BAZ1A: variants seen among roughly 807,000 people sequenced by gnomAD.
The protein encoded by BAZ1A is bromodomain adjacent to zinc finger domain protein 1A.
BAZ1A carries 50 observed loss-of-function variants against 185.2 expected under a neutral mutation model. The observed-to-expected ratio is 0.27, with a 90% CI of 0.22 to 0.34. The LOEUF is 0.34. Among genes scored for constraint, BAZ1A ranks in the 10% least tolerant of loss-of-function variants. BAZ1A has a pLI of 1.00. For synonymous variants in BAZ1A, 571 were observed against 615.6 expected (o/e 0.93, Z 1.07); for missense variants, 1,356 against 1,839.9 (o/e 0.74, Z 4.81).
intron 3 of BAZ1A, among the ~76,000 whole-genome samples, chr14:34,849,417 GA>G (rs1256510341): frequency 6.6e-6 from 1 of 152,126 alleles, no homozygotes; most frequent in Non-Finnish European, 1.5e-5. Flanking sequence ...AAACGGTTGA[GA>G]AATATGCACT....
chr14:34,776,159 A>G lies in BAZ1A; in HGVS notation c.2593T>C (p.Ser865Pro). ...TGGTCAATGTTGGAGGTAGATTCAG[A>G]CATCAAAGGCTCTCCAGTTTTAGTG... The part of the protein sequence containing the change: ...VSTKTGEPLM[S>P]ESTSNIDQGP... The change falls in exon 18 of 27, where the codon TCT becomes CCT. Residue 865 changes from serine to proline, a missense_variant. Ser to Pro is a moderately conservative substitution (Grantham distance 74). This residue lies in a region of BAZ1A where 434 missense variants were observed against 561.7 expected (regional missense o/e 0.77). Coordinates refer to ENST00000360310, the MANE Select transcript of BAZ1A (RefSeq NM_013448.3). The G allele has an allele frequency of 6.2e-7, 1 of 1,614,214 alleles. No homozygotes were observed.
intron 6 of BAZ1A, among the ~76,000 whole-genome samples, chr14:34,805,824 T>A (rs1881825464): frequency 6.6e-6 from 1 of 152,148 alleles, no homozygotes; most frequent in Non-Finnish European, 1.5e-5. Context: ...TTTGCGTTCT[T>A]CATTGTATTT....
chr14:34,801,098 T>A lies in BAZ1A; in HGVS notation c.957A>T (p.Ser319=), dbSNP rs776301143. ...GGAAACAATGTTAAAACTCACCCAG[T>A]GACTTCATTTCTTCTTGTTTCAAAA... The part of the protein sequence containing the change: ...DKLLKQEEMK[S]LAFEKAKLKR... Residue 319 remains serine (S), a synonymous_variant, in exon 8 of 27, where the codon TCA becomes TCT. Coordinates refer to ENST00000360310, the MANE Select transcript of BAZ1A (RefSeq NM_013448.3). 1 of 1,588,830 alleles carries A rather than the reference T, an allele frequency of 6.3e-7. No individual in the cohort carries two copies. The highest frequency in any genetic ancestry group is 8.6e-7 in the Non-Finnish European group (1 of 1,168,548).
chr14:34,753,703 A>G lies in BAZ1A; in HGVS notation c.4476T>C (p.Ser1492=). Reference sequence around the variant, plus strand: ...TTAACTCAATGTCATCAATAAACTCAGCTAGAAAGGGAAAGAGACAAAAAG... The same window carrying G: ...TTAACTCAATGTCATCAATAAACTCGGCTAGAAAGGGAAAGAGACAAAAAG... ...KVNKCEYKLA[S]EFIDDIELMF... Residue 1492 remains serine (S), a splice_region_variant and synonymous_variant, in exon 27 of 27, where the codon TCT becomes TCC. Transcript: ENST00000360310. The G allele has an allele frequency of 6.4e-7, 1 of 1,567,624 alleles. No individual in the cohort carries two copies. Among genetic ancestry groups the G allele is most frequent in the East Asian group, 2.3e-5 (1 of 43,900 alleles).
At chr14:34,875,114 G>A (rs1168316373) in intron 1 of BAZ1A, 24 bp downstream of exon 1, 1 of 361,452 alleles carries the variant, frequency 2.8e-6, no homozygotes, top group Non-Finnish European at 5.5e-6. Flanking sequence ...CGCCGGCGCC[G>A]GCCGGCTCCC....
rs189418469 is a variant in BAZ1A at position 34,753,468 on chromosome 14, A to G, written c.*40T>C. On this transcript the variant is annotated 3_prime_UTR_variant, in exon 27 of 27. Transcript: ENST00000360310. ...GATTTAATGTTCCATTTTCATGAAC[A>G]ATTTGTTTTTCTTCAAATATATCCT... The G allele has an allele frequency of 2.4e-5, 38 of 1,599,534 alleles. No homozygotes were observed. The East Asian group carries it at 4.7e-4, about 20-fold the overall frequency.
At chr14:34,836,053 C>A (rs1566588313) in intron 3 of BAZ1A, among the ~76,000 whole-genome samples, 1 of 151,728 alleles carries the variant, frequency 6.6e-6, no homozygotes, top group Non-Finnish European at 1.5e-5. Flanking sequence ...AAATTTATAT[C>A]TCAAAAATTC....
intron 3 of BAZ1A, among the ~76,000 whole-genome samples, chr14:34,840,664 T>C (rs986389280): frequency 1.3e-5 from 2 of 151,728 alleles, no homozygotes; most frequent in Non-Finnish European, 2.9e-5. Flanking sequence ...GATGCTGAGG[T>C]GGAGAATCGC....
chr14:34,821,196 A>C (rs972158617), intron 4 of BAZ1A, among the ~76,000 whole-genome samples: 2 of 152,222 alleles, frequency 1.3e-5, no homozygotes, highest in Admixed American at 1.3e-4. Context: ...AACACTGCAT[A>C]TATCTTGTAG....
At chr14:34,852,050 C>A (rs2042605714) in intron 3 of BAZ1A, among the ~76,000 whole-genome samples, 2 of 151,952 alleles carry the variant, frequency 1.3e-5, no homozygotes, top group South Asian at 4.1e-4. Context: ...TGGTGTGAAC[C>A]CGGGAGATGG....
At chr14:34,830,804 C>T (rs1203348872) in intron 3 of BAZ1A, among the ~76,000 whole-genome samples, 2 of 147,290 alleles carry the variant, frequency 1.4e-5, no homozygotes, top group Non-Finnish European at 3.0e-5. Flanking sequence ...TCACTCTGTC[C>T]CCCAGGCAGT....
chr14:34,770,027 G>A (rs549851990), intron 21 of BAZ1A, among the ~76,000 whole-genome samples: 3 of 152,252 alleles, frequency 2.0e-5, no homozygotes, highest in Admixed American at 6.5e-5. Flanking sequence ...ACAACAGTGT[G>A]AATAGACTTA....
chr14:34,856,523 C>T (rs2042681203), intron 3 of BAZ1A, among the ~76,000 whole-genome samples: 1 of 151,948 alleles, frequency 6.6e-6, no homozygotes, highest in Non-Finnish European at 1.5e-5. Flanking sequence ...TTAATTCTTT[C>T]CAAAACCCCA....
At chr14:34,780,461 A>C (rs1594830875) in intron 16 of BAZ1A, 151 bp from the exon 17 acceptor site, 1 of 675,938 alleles carries the variant, frequency 1.5e-6, no homozygotes, top group Middle Eastern at 3.6e-4. Flanking sequence ...GAAAACAGAT[A>C]ATTACACAAA....
At chr14:34,833,520 T>G (rs1284761313) in intron 3 of BAZ1A, among the ~76,000 whole-genome samples, 1 of 151,904 alleles carries the variant, frequency 6.6e-6, no homozygotes, top group African/African-American at 2.4e-5. Flanking sequence ...AGAGCGAGAC[T>G]CCATCTCACA....
Position 34,773,641 on chromosome 14 carries a change from A to G in BAZ1A, c.3083T>C (p.Ile1028Thr). The part of the protein sequence containing the change: ...LSEENKENGI[I>T]KTVNEDVEEM... ...TTCTACGTCTTCATTCACAGTTTTA[A>G]TTATCCCATTTTCCTTGTTTTCCTC... is the stretch of plus-strand genomic sequence containing the variant. Residue 1028 changes from isoleucine to threonine, a missense_variant, in exon 20 of 27, where the codon ATT (isoleucine) becomes ACT (threonine). Transcript: ENST00000360310. 6.2e-7 allele frequency: 1 copy of G among 1,613,280 alleles called. No homozygotes were observed. The highest frequency in any genetic ancestry group is 8.5e-7 in the Non-Finnish European group (1 of 1,179,548).
chr14:34,831,293 T>A (rs1407379532), intron 3 of BAZ1A, among the ~76,000 whole-genome samples: 1 of 152,164 alleles, frequency 6.6e-6, no homozygotes, highest in Non-Finnish European at 1.5e-5. Context: ...TGATACAGGG[T>A]AGGCACTACT....
In BAZ1A at chr14:34,773,580, T is replaced by C. The variant is rs753558307; in HGVS notation, c.3144A>G (p.Val1048=). 3.1e-6 allele frequency: 5 copies of C among 1,601,578 alleles called. No individual in the cohort carries two copies. In the South Asian group the frequency reaches 3.4e-5, roughly 11 times the overall value. The change falls in exon 20 of 27, where the codon GTA becomes GTG. Residue 1048 remains valine (V), a synonymous_variant. Coordinates refer to ENST00000360310, the MANE Select transcript of BAZ1A (RefSeq NM_013448.3). ...GAAAAATCTTTTTGTACCTGTCTTT[T>C]ACTATGACCTTTGTTTGTTCATCAA... ...MEIDEQTKVI[V]KDRLLGIKTE...
intron 3 of BAZ1A, among the ~76,000 whole-genome samples, chr14:34,845,901 T>A (rs904332908): frequency 4.6e-5 from 7 of 151,278 alleles, no homozygotes; most frequent in Non-Finnish European, 1.0e-4. Context: ...TTTGATCTTA[T>A]ATGGCCCAAT....
Sources: allele counts gnomAD v4.1 joint callset (sites outside exome capture counted in the v4.1 genomes callset), GRCh38; gene constraint gnomAD v4.1.1; regional missense constraint gnomAD v4.1.1; transcripts MANE v1.5; gene names NCBI Gene and HGNC (gene_info 2026-07-23, HGNC 2026-07-21).